Variants in DLGAP2 observed in about 807,000 individuals in gnomAD.
DLGAP2 encodes disks large-associated protein 2.
Under a neutral mutation model 100.3 loss-of-function variants are expected in DLGAP2, and 26 were observed. The observed-to-expected ratio is 0.26, with a 90% CI of 0.19 to 0.36. The LOEUF (loss-of-function observed/expected upper bound fraction) is 0.36. Among genes scored for constraint, DLGAP2 ranks in the 10% least tolerant of loss-of-function variants. DLGAP2 has a pLI of 1.00. For synonymous variants in DLGAP2, 886 were observed against 630.1 expected, an observed-to-expected ratio of 1.41 and a Z score of -6.08; for missense variants, 1,858 against 1,453.2, an observed-to-expected ratio of 1.28 and a Z score of -4.53.
At chr8:1,657,275 T>G (rs1346274155) in intron 8 of DLGAP2, among the ~76,000 whole-genome samples, 1 of 152,250 alleles carries the variant, frequency 6.6e-6, no homozygotes, top group African/African-American at 2.4e-5. Flanking sequence ...TAGAATTACA[T>G]TGCTAAATTA....
chr8:1,384,521 G>A (rs1796172102), intron 3 of DLGAP2, among the ~76,000 whole-genome samples: 1 of 112,774 alleles, frequency 8.9e-6, no homozygotes, highest in African/African-American at 3.4e-5. Flanking sequence ...CGGCCCCTGA[G>A]AACTTGGTGC....
At chr8:925,587 C>G (rs558824792) in intron 2 of DLGAP2, among the ~76,000 whole-genome samples, 3 of 152,264 alleles carry the variant, frequency 2.0e-5, no homozygotes, top group African/African-American at 7.2e-5. Context: ...ACCCTGTGGG[C>G]TTTGCAGGTG....
chr8:741,957 A>T (rs1191526459), intron 1 of DLGAP2, among the ~76,000 whole-genome samples: 2 of 152,232 alleles, frequency 1.3e-5, no homozygotes, highest in Non-Finnish European at 2.9e-5. Context: ...CACCTTCCTC[A>T]TCTGTCTGTG....
At chr8:1,200,454 G>C (rs141950276) in intron 2 of DLGAP2, among the ~76,000 whole-genome samples, 1 of 152,160 alleles carries the variant, frequency 6.6e-6, no homozygotes, top group Non-Finnish European at 1.5e-5. Flanking sequence ...TTCACACTGC[G>C]ATGCTTGTTC....
At chr8:1,477,576 C>G (rs933452976) in intron 3 of DLGAP2, among the ~76,000 whole-genome samples, 3 of 152,168 alleles carry the variant, frequency 2.0e-5, no homozygotes, top group African/African-American at 7.2e-5. Flanking sequence ...CAGAGCCTGT[C>G]TACTGTGGTT....
chr8:1,214,997 G>A (rs1798184033), intron 2 of DLGAP2, among the ~76,000 whole-genome samples: 2 of 152,192 alleles, frequency 1.3e-5, no homozygotes, highest in African/African-American at 2.4e-5. Context: ...CTGTGCTCTT[G>A]TATCTCACTG....
chr8:1,142,497 T>C (rs1185447062), intron 2 of DLGAP2, among the ~76,000 whole-genome samples: 2 of 152,220 alleles, frequency 1.3e-5, no homozygotes, highest in Non-Finnish European at 2.9e-5. Context: ...GTGAATTATT[T>C]GGGTCTAGTA....
intron 2 of DLGAP2, among the ~76,000 whole-genome samples, chr8:1,087,251 A>G (rs1804004318): frequency 6.6e-6 from 1 of 152,240 alleles, no homozygotes; most frequent in Admixed American, 6.5e-5. Flanking sequence ...AAGTTTAGCA[A>G]TATCATAACA....
intron 3 of DLGAP2, among the ~76,000 whole-genome samples, chr8:1,461,265 C>T (rs1247034711): frequency 1.4e-5 from 1 of 73,666 alleles, no homozygotes; most frequent in African/African-American, 5.2e-5. Flanking sequence ...GTGCTGCTGT[C>T]ACAGGACTGG....
intron 2 of DLGAP2, among the ~76,000 whole-genome samples, chr8:1,243,011 C>T (rs1013469361): frequency 3.3e-5 from 5 of 152,176 alleles, no homozygotes; most frequent in Admixed American, 1.3e-4. Context: ...CTCTGGGGAG[C>T]CATTCCTGAC....
chr8:1,323,012 T>C (rs1216952783), intron 3 of DLGAP2, among the ~76,000 whole-genome samples: 1 of 152,016 alleles, frequency 6.6e-6, no homozygotes, highest in Non-Finnish European at 1.5e-5. Context: ...TTAGTAGATG[T>C]TGACACTGTT....
intron 3 of DLGAP2, among the ~76,000 whole-genome samples, chr8:1,449,934 A>C (rs866411100): frequency 2.4e-5 from 1 of 42,262 alleles, no homozygotes; most frequent in Non-Finnish European, 4.8e-5. Flanking sequence ...TCGGTGGCTG[A>C]GGCGGAGCTG....
chr8:965,845 C>G (rs543576509), intron 2 of DLGAP2, among the ~76,000 whole-genome samples: 1 of 146,804 alleles, frequency 6.8e-6, no homozygotes, highest in African/African-American at 2.5e-5. Flanking sequence ...TCATCACACA[C>G]GCGGCTCCAG....
chr8:1,412,491 T>G (rs923033785), intron 3 of DLGAP2, among the ~76,000 whole-genome samples: 1 of 152,248 alleles, frequency 6.6e-6, no homozygotes, highest in Non-Finnish European at 1.5e-5. Flanking sequence ...CCACTGCTGC[T>G]ACTTGACCTG....
intron 2 of DLGAP2, among the ~76,000 whole-genome samples, chr8:957,050 C>T (rs1302063697): frequency 6.6e-6 from 1 of 152,198 alleles, no homozygotes; most frequent in African/African-American, 2.4e-5. Context: ...TAATTTCAAG[C>T]ACCCAAGCTG....
intron 2 of DLGAP2, among the ~76,000 whole-genome samples, chr8:981,137 A>G (rs1800320184): frequency 6.6e-6 from 1 of 151,934 alleles, no homozygotes; most frequent in Non-Finnish European, 1.5e-5. Context: ...GAATTCCCCT[A>G]TGCTAGATAT....
At chr8:1,670,409 C>T (rs1007296843) in intron 10 of DLGAP2, among the ~76,000 whole-genome samples, 8 of 152,216 alleles carry the variant, frequency 5.3e-5, no homozygotes, top group African/African-American at 1.4e-4. Flanking sequence ...ACAGGCTTCT[C>T]CTCATCCCCC....
At chr8:1,249,284 G>C (rs543860722) in intron 2 of DLGAP2, among the ~76,000 whole-genome samples, 10 of 152,272 alleles carry the variant, frequency 6.6e-5, no homozygotes, top group Non-Finnish European at 1.2e-4. Flanking sequence ...GGGCCTCTCT[G>C]TGGGTCCCGT....
chr8:1,192,231 G>T (rs969412669), intron 2 of DLGAP2, among the ~76,000 whole-genome samples: 2 of 152,198 alleles, frequency 1.3e-5, no homozygotes, highest in African/African-American at 4.8e-5. Flanking sequence ...CATGAAGCAG[G>T]TGCCAGCTGA....
Sources: gnomAD v4.1 joint callset for allele counts (sites outside exome capture counted in the v4.1 genomes callset) on GRCh38, gnomAD v4.1.1 for gene constraint, MANE v1.5 for transcripts, NCBI Gene and HGNC (gene_info 2026-07-23, HGNC 2026-07-21) for gene names.